The following C9orf153 variants were observed in gnomAD, a reference collection of about 807,000 sequenced individuals.
C9orf153 encodes the protein chromosome 9 open reading frame 153, also known as uncharacterized protein C9orf153.
C9orf153 carries 10 observed loss-of-function variants against 9.0 expected under a neutral mutation model. The observed-to-expected ratio is 1.11, with a 90% CI of 0.69 to 1.89. C9orf153 has a LOEUF of 1.89. C9orf153 is among the 40% of genes most tolerant of loss of function. The pLI, the probability that C9orf153 is intolerant of heterozygous loss-of-function variation, is 0.00. For synonymous variants in C9orf153, 35 were observed against 37.3 expected (o/e 0.94, Z 0.23); for missense variants, 108 against 111.0 (o/e 0.97, Z 0.12).
intron 3 of C9orf153, among the ~76,000 whole-genome samples, chr9:86,223,417 G>A (rs1405933021): frequency 1.3e-5 from 2 of 152,126 alleles, no homozygotes; most frequent in Admixed American, 6.6e-5. Flanking sequence ...GCAGTGAGCC[G>A]AGATCGTGCT....
chr9:86,222,762 G>T (rs1824235909), intron 3 of C9orf153, among the ~76,000 whole-genome samples: 1 of 152,088 alleles, frequency 6.6e-6, no homozygotes, highest in Non-Finnish European at 1.5e-5. Context: ...AACGGGCCAC[G>T]GGAACAAGTA....
intron 1 of C9orf153, among the ~76,000 whole-genome samples, chr9:86,237,338 G>A (rs1227930217): frequency 5.3e-5 from 8 of 152,128 alleles, no homozygotes; most frequent in Non-Finnish European, 7.4e-5. Flanking sequence ...ATACAAACCC[G>A]TCACGACCAC....
At chr9:86,251,388 T>C (rs1824989907) in intron 1 of C9orf153, among the ~76,000 whole-genome samples, 1 of 152,186 alleles carries the variant, frequency 6.6e-6, no homozygotes, top group Non-Finnish European at 1.5e-5. Context: ...TGTTAGTATG[T>C]GACTAACAGT....
At chr9:86,229,949 A>G (rs1432633732) in intron 1 of C9orf153, among the ~76,000 whole-genome samples, 1 of 152,142 alleles carries the variant, frequency 6.6e-6, no homozygotes, top group East Asian at 1.9e-4. Context: ...GACAGGAGAA[A>G]GAAAGAGCAA....
rs974950364 is a variant in C9orf153, at chr9:86,258,690, T to A, written c.-27+860A>T. 3.9e-5 allele frequency: 6 copies of A among 152,216 alleles called. No individual in the cohort carries two copies. The East Asian group carries it at 1.2e-3, about 29-fold the overall frequency. 9.4% of individuals were successfully genotyped at this position (152,216 alleles called of 1,614,324 possible). ...AACGCAATATTTGAAAACCTGAATT[T>A]TCTTGGGTAAGCAACTATTATATTG... On this transcript the variant is annotated intron_variant, in intron 1 of 3. Coordinates refer to ENST00000339137, the MANE Select transcript of C9orf153 (RefSeq NM_001276366.4).
In C9orf153 at chr9:86,221,540, A is replaced by G; in HGVS notation, c.*148T>C. 7.4e-7 allele frequency: 1 copy of G among 1,348,278 alleles called. No individual in the cohort carries two copies. Among genetic ancestry groups the G allele is most frequent in the Non-Finnish European group, 9.5e-7 (1 of 1,048,638 alleles). 83.5% of individuals were successfully genotyped at this position (1,348,278 alleles called of 1,614,324 possible). A position where few individuals can be genotyped will look rare whatever the true frequency, so the allele number is the denominator to read the frequency against. On this transcript the variant is annotated 3_prime_UTR_variant, in exon 4 of 4. Coordinates refer to ENST00000339137, the MANE Select transcript of C9orf153 (RefSeq NM_001276366.4). ...AATAACTTCCTTCATTTTGATAATC[A>G]ATTTGAGGATAAATGACCAAAGACT...
At chr9:86,241,129 C>T (rs965404757) in intron 1 of C9orf153, among the ~76,000 whole-genome samples, 26 of 152,260 alleles carry the variant, frequency 1.7e-4, no homozygotes, top group African/African-American at 6.0e-4. Context: ...CCCCTCTTTG[C>T]TTTTCTTACT....
intron 1 of C9orf153, among the ~76,000 whole-genome samples, chr9:86,246,827 G>T (rs935620762): frequency 3.3e-5 from 5 of 152,136 alleles, no homozygotes; most frequent in African/African-American, 9.7e-5. Flanking sequence ...GGACGTCACT[G>T]CCTTGTTATT....
At position 86,221,656 on chromosome 9, in the gene C9orf153, T is replaced by C; in HGVS notation, c.*32A>G. 6.5e-7 allele frequency: 1 copy of C among 1,544,632 alleles called. No homozygotes were observed. The highest frequency in any genetic ancestry group is 1.2e-5 in the South Asian group (1 of 83,148). On this transcript the variant is annotated 3_prime_UTR_variant, in exon 4 of 4. Transcript: ENST00000339137. ...TTGTATTTTATGTCTCCGAATGAAA[T>C]TGCAGTAGTGCGCCTCCACTTCGCA... is the stretch of plus-strand genomic sequence containing the variant.
intron 1 of C9orf153, among the ~76,000 whole-genome samples, chr9:86,245,843 T>G (rs1448518764): frequency 6.6e-6 from 1 of 152,206 alleles, no homozygotes; most frequent in Non-Finnish European, 1.5e-5. Context: ...ATTCTCAAAG[T>G]AAAAGCATGA....
At chr9:86,252,450 C>T (rs1825018468) in intron 1 of C9orf153, among the ~76,000 whole-genome samples, 1 of 152,198 alleles carries the variant, frequency 6.6e-6, no homozygotes, top group African/African-American at 2.4e-5. Flanking sequence ...ACTTATTTTA[C>T]AGTGACCTGT....
intron 3 of C9orf153, among the ~76,000 whole-genome samples, chr9:86,222,214 C>T (rs1448350761): frequency 6.6e-6 from 1 of 151,930 alleles, no homozygotes; most frequent in Non-Finnish European, 1.5e-5. Flanking sequence ...TAAGGGAGAC[C>T]CTGTGATGTC....
chr9:86,250,357 G>A (rs1270649031), intron 1 of C9orf153, among the ~76,000 whole-genome samples: 1 of 152,128 alleles, frequency 6.6e-6, no homozygotes, highest in Non-Finnish European at 1.5e-5. Context: ...TTTAGCCTGT[G>A]CTTTGTGGGA....
At chr9:86,233,158 G>A (rs1824508427) in intron 1 of C9orf153, among the ~76,000 whole-genome samples, 1 of 151,874 alleles carries the variant, frequency 6.6e-6, no homozygotes, top group Admixed American at 6.6e-5. Context: ...TTCCCCAATG[G>A]CTCCTTCCTT....
At chr9:86,253,896 C>T (rs1444365789) in intron 1 of C9orf153, among the ~76,000 whole-genome samples, 1 of 151,974 alleles carries the variant, frequency 6.6e-6, no homozygotes, top group Non-Finnish European at 1.5e-5. Flanking sequence ...TAAAGACTAT[C>T]CTGGCTAACA....
chr9:86,254,837 A>G (rs1353288751), intron 1 of C9orf153, among the ~76,000 whole-genome samples: 1 of 152,176 alleles, frequency 6.6e-6, no homozygotes, highest in Non-Finnish European at 1.5e-5. Flanking sequence ...TGGGTGGATC[A>G]TCTGAGGCCA....
At position 86,231,584 on chromosome 9, in the gene C9orf153, CAT is replaced by C. The variant is rs923260907; in HGVS notation, c.-26-1957_-26-1956del. ...ACACACACAAAAACACACACACACA[CAT>C]ACACAAACATGGATATATATATATA... On this transcript the variant is annotated intron_variant, in intron 1 of 3. Coordinates refer to ENST00000339137, the MANE Select transcript of C9orf153 (RefSeq NM_001276366.4). Among the ~76,000 whole-genome samples the C allele has an allele frequency of 2.3e-3, 327 of 142,808 alleles. 1 individual carries two copies. Among genetic ancestry groups the C allele is most frequent in the African/African-American group, 9.5e-3 (312 of 33,006 alleles). The allele number at this position is 142,808 out of a possible 152,430, so 93.7% of individuals were successfully genotyped here.
intron 1 of C9orf153, among the ~76,000 whole-genome samples, chr9:86,237,953 C>T (rs1429384011): frequency 2.0e-5 from 3 of 151,992 alleles, no homozygotes; most frequent in Non-Finnish European, 2.9e-5. Context: ...TGGTGGCAGG[C>T]ACCTGTAGTT....
At chr9:86,247,517 A>T (rs975723190) in intron 1 of C9orf153, among the ~76,000 whole-genome samples, 21 of 152,032 alleles carry the variant, frequency 1.4e-4, no homozygotes, top group African/African-American at 4.4e-4. Context: ...ACCTATCTCT[A>T]CAAAAAATAC....
Sources: allele counts gnomAD v4.1 joint callset (sites outside exome capture counted in the v4.1 genomes callset), GRCh38; gene constraint gnomAD v4.1.1; transcripts MANE v1.5; gene names NCBI Gene and HGNC (gene_info 2026-07-23, HGNC 2026-07-21).